The following CFAP99 variants were observed in gnomAD, a reference collection of about 807,000 sequenced individuals.
The protein encoded by CFAP99 is cilia and flagella associated protein 99.
CFAP99 carries 84 observed loss-of-function variants against 82.7 expected under a neutral mutation model. The ratio of observed to expected loss-of-function variants is 1.02; its 90% CI spans 0.85 to 1.22. The LOEUF is 1.22. Ranked by LOEUF, CFAP99 falls within the 50% of genes most tolerant of loss-of-function variation. The probability of loss-of-function intolerance (pLI) is 0.00; values close to 1 mark genes in which losing one functional copy is unlikely to be tolerated. For synonymous variants in CFAP99, 456 were observed against 429.5 expected, an observed-to-expected ratio of 1.06 and a Z score of -0.76; for missense variants, 1,059 against 983.5, an observed-to-expected ratio of 1.08 and a Z score of -1.03.
At chr4:2,445,472 C>T (rs1321162567) in intron 6 of CFAP99, among the ~76,000 whole-genome samples, 164 bp downstream of exon 6, 1 of 152,132 alleles carries the variant, frequency 6.6e-6, no homozygotes, top group African/African-American at 2.4e-5. Context: ...CCCCACTCCC[C>T]ACAGAGAGGG....
At position 2,438,960 on chromosome 4, in the gene CFAP99, A is replaced by G. The variant is rs541881977; in HGVS notation, c.351+796A>G. On this transcript the variant is annotated intron_variant, in intron 4 of 14. Coordinates refer to ENST00000635017, the Ensembl canonical transcript of CFAP99. ...TTCAGGGGTCCAAGGGAATTGGTTC[A>G]GGGCCAGTGATGAGGATTGGCACCC... Among the ~76,000 whole-genome samples the G allele has an allele frequency of 3.9e-5, 6 of 152,272 alleles. No individual in the cohort carries two copies. In the South Asian group the frequency reaches 1.2e-3, roughly 32 times the overall value.
chr4:2,429,652 C>T (rs1245462999), intron 2 of CFAP99, among the ~76,000 whole-genome samples: 9 of 151,098 alleles, frequency 6.0e-5, no homozygotes, highest in Non-Finnish European at 1.3e-4. Context: ...AGTGCAGTGG[C>T]GCCATCTCTG....
chr4:2,438,186 A>T, intron 4 of CFAP99, 22 bp downstream of exon 4: 1 of 1,442,956 alleles, frequency 6.9e-7, no homozygotes, highest in Non-Finnish European at 9.4e-7. Flanking sequence ...CTACCTGCCC[A>T]CCAGGCCACG....
intron 3 of CFAP99, 52 bp downstream of exon 3, chr4:2,437,070 G>T (rs1279698911): frequency 6.5e-7 from 1 of 1,530,590 alleles, no homozygotes; most frequent in African/African-American, 1.4e-5. Context: ...GTTCACTCAG[G>T]CTCTCTGCGG....
chr4:2,457,333 T>C (rs1045753101), intron 11 of CFAP99, among the ~76,000 whole-genome samples: 2 of 152,260 alleles, frequency 1.3e-5, no homozygotes, highest in South Asian at 2.1e-4. Context: ...ACAGAAATGC[T>C]GTTCCATGTG....
Position 2,446,826 on chromosome 4 carries a change from T to TGGAC in CFAP99, c.642+1521_642+1522insCGGA, listed in dbSNP as rs886686924. ...ATGGATGGGTGGATGAATGGATGGA[T>TGGAC]GGATGGATGGATGATTGGATTGGTG... On this transcript the variant is annotated intron_variant, in intron 6 of 14. Coordinates refer to ENST00000635017, the Ensembl canonical transcript of CFAP99. The surrounding 1 kb of genome is among the most constrained non-coding windows in gnomAD (Gnocchi z 5.0). Among the ~76,000 whole-genome samples the TGGAC allele has an allele frequency of 2.0e-5, 3 of 151,144 alleles. No individual in the cohort carries two copies. Among genetic ancestry groups the TGGAC allele is most frequent in the African/African-American group, 7.3e-5 (3 of 41,118 alleles).
chr4:2,424,506 G>A (rs1733645901), intron 1 of CFAP99, among the ~76,000 whole-genome samples: 1 of 152,184 alleles, frequency 6.6e-6, no homozygotes, highest in African/African-American at 2.4e-5. Flanking sequence ...GGTGCAGCCA[G>A]CAGGGAGGTG....
rs1734092570 is a variant in CFAP99 at position 2,443,253 on chromosome 4, T to G, written c.464+11T>G. 1.3e-6 allele frequency: 2 copies of G among 1,489,750 alleles called. No individual in the cohort carries two copies. Among genetic ancestry groups the G allele is most frequent in the African/African-American group, 2.8e-5 (2 of 71,966 alleles). The allele number at this position is 1,489,750 out of a possible 1,614,324, so 92.3% of individuals were successfully genotyped here. On this transcript the variant is annotated intron_variant, in intron 5 of 14. Coordinates refer to ENST00000635017, the Ensembl canonical transcript of CFAP99. ...CGACCCCCTGATGAGGTAGGCTGGATGGGGGGCTCTGGGGGCCCTGAATGG... is the reference window on the plus strand; with the variant it reads ...CGACCCCCTGATGAGGTAGGCTGGAGGGGGGGCTCTGGGGGCCCTGAATGG...
intron 4 of CFAP99, among the ~76,000 whole-genome samples, chr4:2,442,069 C>T (rs1329112277): frequency 6.6e-6 from 1 of 152,328 alleles, no homozygotes; most frequent in Admixed American, 6.5e-5. Flanking sequence ...TGTCCCACCA[C>T]ACCCCAGTGA....
intron 1 of CFAP99, among the ~76,000 whole-genome samples, chr4:2,424,460 A>G (rs1733644532): frequency 6.6e-6 from 1 of 152,156 alleles, no homozygotes; most frequent in African/African-American, 2.4e-5. Context: ...TCTCAAAAAA[A>G]GAAAAAAAAA....
intron 2 of CFAP99, among the ~76,000 whole-genome samples, chr4:2,431,744 A>ATT (rs56016628): frequency 2.7e-5 from 4 of 148,190 alleles, no homozygotes; most frequent in African/African-American, 9.9e-5. Flanking sequence ...TCACTTTATT[A>ATT]TTTTTTTTTT....
chr4:2,462,982 A>G (rs1734670383), downstream of CFAP99: 4 of 987,480 alleles, frequency 4.1e-6, no homozygotes, highest in Admixed American at 9.3e-5. The surrounding 1 kb of genome is among the most constrained non-coding windows in gnomAD (Gnocchi z 4.1). Flanking sequence ...CCGCCGCCCC[A>G]ATAAAGAGTG....
chr4:2,441,229 C>T (rs960386043), intron 4 of CFAP99, among the ~76,000 whole-genome samples: 35 of 151,680 alleles, frequency 2.3e-4, no homozygotes, highest in Admixed American at 1.8e-3. Context: ...AAAAATTAGC[C>T]GGTCATGGTG....
At chr4:2,442,643 C>A (rs1389909390) in intron 4 of CFAP99, among the ~76,000 whole-genome samples, 1 of 152,184 alleles carries the variant, frequency 6.6e-6, no homozygotes, top group African/African-American at 2.4e-5. Flanking sequence ...AGCCCCGGAC[C>A]CTCGGCTCCC....
chr4:2,443,875 G>A (rs1400761238), intron 5 of CFAP99, among the ~76,000 whole-genome samples: 1 of 152,194 alleles, frequency 6.6e-6, no homozygotes, highest in Non-Finnish European at 1.5e-5. Context: ...CCTGCCTTGT[G>A]CTCCATGGAG....
rs182681381 is a variant in CFAP99 at position 2,441,862 on chromosome 4, C to T, written c.352-1268C>T. On this transcript the variant is annotated intron_variant, in intron 4 of 14. Coordinates refer to ENST00000635017, the Ensembl canonical transcript of CFAP99. ...CTGGGCCACACCTTGGGTGCTGGTACCACCATGGTCAGGAGTGGTGGGCGG... is the reference window on the plus strand; with the variant it reads ...CTGGGCCACACCTTGGGTGCTGGTATCACCATGGTCAGGAGTGGTGGGCGG... Among the ~76,000 whole-genome samples, 1,049 of 152,346 alleles carry T rather than the reference C, an allele frequency of 6.9e-3. 11 individuals are homozygous for T. The highest frequency in any genetic ancestry group is 0.021 in the African/African-American group (854 of 41,586).
Position 2,426,443 on chromosome 4 carries a change from C to T in CFAP99, c.-17-16C>T, listed in dbSNP as rs1733685940. ...TCCCAGGTGTGGAGGGCGTGACCTG[C>T]ACGGTTTGTTCTTAGGCTTCTGCCC... On this transcript the variant is annotated splice_polypyrimidine_tract_variant and intron_variant, in intron 1 of 14. Transcript: ENST00000635017. 3 of 1,484,018 alleles carry T rather than the reference C, an allele frequency of 2.0e-6. No individual in the cohort carries two copies. Among genetic ancestry groups the T allele is most frequent in the Non-Finnish European group, 2.7e-6 (3 of 1,099,780 alleles). The allele number at this position is 1,484,018 out of a possible 1,614,324, so 91.9% of individuals were successfully genotyped here. A position where few individuals can be genotyped will look rare whatever the true frequency, so the allele number is the denominator to read the frequency against.
In CFAP99 at chr4:2,460,258, GGGGAGGGTGCCTCTGGGTGGACA is replaced by G. The variant is rs1560391781; in HGVS notation, c.1661+22_1661+44del. Reference sequence around the variant, plus strand: ...CAGCCTTGAGGTTGGTACTGGGCTCGGGGAGGGTGCCTCTGGGTGGACAGGGAGCATGCTGTAAGCCTGCCTTG... The same window carrying G: ...CAGCCTTGAGGTTGGTACTGGGCTCGGGGAGCATGCTGTAAGCCTGCCTTG... On this transcript the variant is annotated intron_variant, in intron 14 of 14. Coordinates refer to ENST00000635017, the Ensembl canonical transcript of CFAP99. The G allele has an allele frequency of 6.5e-7, 1 of 1,535,006 alleles. No individual in the cohort carries two copies. Among genetic ancestry groups the G allele is most frequent in the Admixed American group, 2.0e-5 (1 of 50,990 alleles).
chr4:2,419,492 G>A (rs551445632), intron 1 of CFAP99, among the ~76,000 whole-genome samples: 56 of 152,278 alleles, frequency 3.7e-4, no homozygotes, highest in African/African-American at 1.3e-3. Context: ...AGATCACGGC[G>A]GATCTGGGTC....
Sources: allele counts gnomAD v4.1 joint callset (sites outside exome capture counted in the v4.1 genomes callset), GRCh38; gene constraint gnomAD v4.1.1; non-coding constraint Gnocchi (gnomAD v3.1); transcripts MANE v1.5; gene names NCBI Gene and HGNC (gene_info 2026-07-23, HGNC 2026-07-21).